The following TMEM196 variants were observed in gnomAD, a reference collection of about 807,000 sequenced individuals.
The protein encoded by TMEM196 is transmembrane protein 196.
Under a neutral mutation model 20.0 loss-of-function variants are expected in TMEM196, and 17 were observed. The ratio of observed to expected loss-of-function variants is 0.85; its 90% CI spans 0.58 to 1.27. The LOEUF is 1.27. Among genes scored for constraint, TMEM196 ranks in the 50% most tolerant of loss-of-function variants. The pLI is 0.00. For synonymous variants in TMEM196, 113 were observed against 88.9 expected, an observed-to-expected ratio of 1.27 and a Z score of -1.52; for missense variants, 267 against 223.0, an observed-to-expected ratio of 1.20 and a Z score of -1.26.
At chr7:19,736,354 T>C (rs1299920432) in intron 1 of TMEM196, among the ~76,000 whole-genome samples, 22 of 88,088 alleles carry the variant, frequency 2.5e-4, no homozygotes, top group African/African-American at 4.7e-4. Context: ...TGGTTCCTAC[T>C]ATATATATAT....
intron 1 of TMEM196, among the ~76,000 whole-genome samples, chr7:19,736,281 T>A (rs79139107): frequency 0.026 from 3,577 of 135,442 alleles, 72 homozygotes; most frequent in South Asian, 0.075. Flanking sequence ...ATATCCTGGC[T>A]CAACTCATAA....
intron 1 of TMEM196, among the ~76,000 whole-genome samples, chr7:19,751,010 ACT>A (rs1234638189): frequency 3.0e-4 from 46 of 151,904 alleles, no homozygotes; most frequent in African/African-American, 1.1e-3. Context: ...TTGAGGAAAG[ACT>A]CTCTGATTCG....
intron 1 of TMEM196, among the ~76,000 whole-genome samples, chr7:19,754,410 A>G (rs973767183): frequency 6.6e-6 from 1 of 152,214 alleles, no homozygotes; most frequent in African/African-American, 2.4e-5. Flanking sequence ...AAATTGATTC[A>G]CTGGAAGCAG....
At chr7:19,747,254 C>CA (rs35390088) in intron 1 of TMEM196, among the ~76,000 whole-genome samples, 1,596 of 128,924 alleles carry the variant, frequency 0.012, 53 homozygotes, top group African/African-American at 0.05. Context: ...GACTCCGTCT[C>CA]AAAAAAATAA....
At chr7:19,730,240 A>C (rs1372290550) in intron 1 of TMEM196, among the ~76,000 whole-genome samples, 1 of 150,180 alleles carries the variant, frequency 6.7e-6, no homozygotes, top group Admixed American at 6.7e-5. Context: ...TGGGTGACGG[A>C]GCAAGACTCC....
At position 19,724,361 on chromosome 7, in the gene TMEM196, A is replaced by G. The variant is rs1464311724; in HGVS notation, c.460-8T>C. On this transcript the variant is annotated splice_polypyrimidine_tract_variant and splice_region_variant and intron_variant, in intron 3 of 4. Coordinates refer to ENST00000405844, the MANE Select transcript of TMEM196 (RefSeq NM_001363562.2). ...TTCAATAGCCCTCAATCTCTAATGT[A>G]AATATAACAATCATACAATAAATAT... 6.5e-6 allele frequency: 10 copies of G among 1,549,742 alleles called. 1 individual carries two copies. In the South Asian group the frequency reaches 1.2e-4, roughly 18 times the overall value.
At chr7:19,752,187 C>T (rs1329544206) in intron 1 of TMEM196, among the ~76,000 whole-genome samples, 1 of 152,146 alleles carries the variant, frequency 6.6e-6, no homozygotes, top group African/African-American at 2.4e-5. Flanking sequence ...AATCATTTTG[C>T]AATTCAGTGT....
rs151022109 is a variant in TMEM196 at position 19,722,865 on chromosome 7, A to G, written c.534-731T>C. On this transcript the variant is annotated intron_variant, in intron 4 of 4. Transcript: ENST00000405844. ...GCTTTTAATTCATATGTTTTGTTAA[A>G]TATTAAACCCTTCCCAACACAATAA... is the stretch of plus-strand genomic sequence containing the variant. 4.4e-3 allele frequency among the ~76,000 whole-genome samples: 677 copies of G among 152,266 alleles called. 34 individuals carry two copies. The South Asian group carries it at 0.11, about 25-fold the overall frequency.
At chr7:19,722,796 G>T in intron 4 of TMEM196, among the ~76,000 whole-genome samples, 1 of 152,060 alleles carries the variant, frequency 6.6e-6, no homozygotes, top group East Asian at 1.9e-4. Context: ...AGCATTGAAA[G>T]TTTCATTTTC....
intron 1 of TMEM196, among the ~76,000 whole-genome samples, chr7:19,748,002 G>C (rs1335952425): frequency 6.6e-6 from 1 of 152,000 alleles, no homozygotes; most frequent in Non-Finnish European, 1.5e-5. Context: ...CTCTAACTGG[G>C]AGTGATTTGT....
chr7:19,722,282 G>A, intron 4 of TMEM196, 148 bp from the exon 5 acceptor site: 1 of 635,728 alleles, frequency 1.6e-6, no homozygotes, highest in Non-Finnish European at 2.6e-6. Flanking sequence ...TATATTTGAG[G>A]AAATAAAATT....
intron 1 of TMEM196, among the ~76,000 whole-genome samples, chr7:19,730,083 C>T (rs1754280035): frequency 6.6e-6 from 1 of 151,870 alleles, no homozygotes; most frequent in Non-Finnish European, 1.5e-5. Context: ...GGTGAAACCC[C>T]GTCTCTACTA....
At chr7:19,729,185 G>C (rs543099022) in intron 2 of TMEM196, among the ~76,000 whole-genome samples, 197 bp downstream of exon 2, 5 of 151,782 alleles carry the variant, frequency 3.3e-5, no homozygotes, top group African/African-American at 1.2e-4. Context: ...TACATCGGTG[G>C]GCTTTTGTCA....
At chr7:19,735,958 C>T (rs77018671) in intron 1 of TMEM196, among the ~76,000 whole-genome samples, 1,617 of 152,070 alleles carry the variant, frequency 0.011, 34 homozygotes, top group African/African-American at 0.036. Context: ...AACGTTAGTT[C>T]GTTTCTTTAA....
intron 3 of TMEM196, among the ~76,000 whole-genome samples, chr7:19,724,995 C>G (rs2128012344): frequency 6.6e-6 from 1 of 152,274 alleles, no homozygotes; most frequent in East Asian, 1.9e-4. Context: ...TCCAAATATG[C>G]ATAAGTTTAG....
intron 1 of TMEM196, among the ~76,000 whole-genome samples, chr7:19,758,356 A>G (rs1338881699): frequency 6.6e-6 from 1 of 152,176 alleles, no homozygotes; most frequent in Non-Finnish European, 1.5e-5. Context: ...ATCTGTTAAC[A>G]TACTAATTAT....
In TMEM196 at chr7:19,721,966, T is replaced by A. The variant is rs1349832662; in HGVS notation, c.*162A>T. On this transcript the variant is annotated 3_prime_UTR_variant, in exon 5 of 5. Transcript: ENST00000405844. ...TTTTAGGAAGAATAATTTTAGTGGA[T>A]GCTCAGGAGAGATAAATGCAAATGC... The A allele has an allele frequency of 5.7e-6, 5 of 876,304 alleles. No individual in the cohort carries two copies. Among genetic ancestry groups the A allele is most frequent in the Non-Finnish European group, 8.8e-6 (5 of 569,196 alleles). The allele number at this position is 876,304 out of a possible 1,614,324, so 54.3% of individuals were successfully genotyped here. A position where few individuals can be genotyped will look rare whatever the true frequency, so the allele number is the denominator to read the frequency against.
chr7:19,739,362 AAACTT>A (rs1784509304), intron 1 of TMEM196, among the ~76,000 whole-genome samples: 1 of 152,184 alleles, frequency 6.6e-6, no homozygotes, highest in Admixed American at 6.6e-5. Context: ...AATAAGGAGA[AAACTT>A]AAAAACATTA....
rs1030471485 is a variant in TMEM196, at chr7:19,721,936, A to G, written c.*192T>C. 2.7e-6 allele frequency: 2 copies of G among 729,568 alleles called. No homozygotes were observed. Among genetic ancestry groups the G allele is most frequent in the Non-Finnish European group, 4.4e-6 (2 of 456,522 alleles). 45.2% of individuals were successfully genotyped at this position (729,568 alleles called of 1,614,324 possible). The stretch of plus-strand genomic sequence containing the variant: ...AGGGTGGAGAAACCAGTGAGGCAAT[A>G]TATTTTTTAGGAAGAATAATTTTAG... On this transcript the variant is annotated 3_prime_UTR_variant, in exon 5 of 5. Transcript: ENST00000405844.
Sources: allele counts gnomAD v4.1 joint callset (sites outside exome capture counted in the v4.1 genomes callset), GRCh38; gene constraint gnomAD v4.1.1; transcripts MANE v1.5; gene names NCBI Gene and HGNC (gene_info 2026-07-23, HGNC 2026-07-21).